SERINC5: variants seen among roughly 807,000 people sequenced by gnomAD.
SERINC5 encodes serine incorporator 5.
Under a neutral mutation model 63.1 loss-of-function variants are expected in SERINC5, and 41 were observed. That is an observed-to-expected ratio of 0.65 (90% CI 0.51 to 0.84). SERINC5 has a LOEUF of 0.84. SERINC5 is among the 40% of genes least tolerant of loss of function. SERINC5 has a pLI of 0.00. For synonymous variants in SERINC5, 222 were observed against 215.2 expected (o/e 1.03, Z -0.28); for missense variants, 523 against 573.0 (o/e 0.91, Z 0.89).
chr5:80,159,169 T>C (rs1297906149), intron 7 of SERINC5, among the ~76,000 whole-genome samples: 2 of 152,162 alleles, frequency 1.3e-5, no homozygotes, highest in Non-Finnish European at 2.9e-5. Flanking sequence ...CATCATCACA[T>C]CCTTGGAACA....
chr5:80,199,417 T>C (rs1749696121), intron 2 of SERINC5, among the ~76,000 whole-genome samples: 1 of 152,204 alleles, frequency 6.6e-6, no homozygotes, highest in African/African-American at 2.4e-5. Context: ...TGACACATGG[T>C]ATCACTCAAT....
chr5:80,224,236 A>G (rs1275224102), intron 1 of SERINC5, among the ~76,000 whole-genome samples: 1 of 152,092 alleles, frequency 6.6e-6, no homozygotes, highest in Non-Finnish European at 1.5e-5. Flanking sequence ...TGAGGCGAGC[A>G]GATGGCTTGA....
Position 80,150,838 on chromosome 5 carries a change from G to T in SERINC5, c.1053+44C>A, listed in dbSNP as rs751294209. 31 of 1,361,886 alleles carry T rather than the reference G, an allele frequency of 2.3e-5. No individual in the cohort carries two copies. The South Asian group carries it at 3.5e-4, about 15-fold the overall frequency. The allele number at this position is 1,361,886 out of a possible 1,614,324, so 84.4% of individuals were successfully genotyped here. Reference sequence around the variant, plus strand: ...ACACAAAAGGCCCTCCTGAGAAATGGATCTTCTGAGATGAAGCAGGACAGG... The same window carrying T: ...ACACAAAAGGCCCTCCTGAGAAATGTATCTTCTGAGATGAAGCAGGACAGG... On this transcript the variant is annotated intron_variant, in intron 9 of 11. Transcript: ENST00000507668.
chr5:80,156,568 C>T (rs1216012166), intron 8 of SERINC5, among the ~76,000 whole-genome samples: 1 of 152,210 alleles, frequency 6.6e-6, no homozygotes, highest in African/African-American at 2.4e-5. Flanking sequence ...CTCATCTCCA[C>T]TTTGTAGGGG....
At chr5:80,237,798 C>CT (rs2112581435) in intron 1 of SERINC5, among the ~76,000 whole-genome samples, 2 of 152,060 alleles carry the variant, frequency 1.3e-5, no homozygotes, top group South Asian at 4.2e-4. Flanking sequence ...TGCTGGAACT[C>CT]TTGCTTCCAA....
At chr5:80,184,582 A>C (rs1295154126) in intron 2 of SERINC5, among the ~76,000 whole-genome samples, 2 of 152,124 alleles carry the variant, frequency 1.3e-5, no homozygotes. Context: ...AATCCTAATC[A>C]AGACCTCCTT....
At chr5:80,126,228 T>C (rs1356157518) in intron 11 of SERINC5, among the ~76,000 whole-genome samples, 2 of 152,144 alleles carry the variant, frequency 1.3e-5, no homozygotes, top group African/African-American at 2.4e-5. Context: ...CAATTTGGAT[T>C]ATAAAAAGCT....
At chr5:80,136,991 G>A (rs1389585152), downstream of SERINC5, among the ~76,000 whole-genome samples, 1 of 151,680 alleles carries the variant, frequency 6.6e-6, no homozygotes, top group Non-Finnish European at 1.5e-5. Flanking sequence ...ACAAAAATTA[G>A]CCAGGCATTG....
intron 9 of SERINC5, among the ~76,000 whole-genome samples, 200 bp from the exon 10 acceptor site, chr5:80,147,484 G>A (rs1019521914): frequency 6.6e-6 from 1 of 152,178 alleles, no homozygotes; most frequent in Non-Finnish European, 1.5e-5. Flanking sequence ...CGTGGACTTG[G>A]TGCTCGCTCC....
At chr5:80,245,965 TAAAAAAAAA>T (rs57108110) in intron 1 of SERINC5, among the ~76,000 whole-genome samples, 7 of 115,986 alleles carry the variant, frequency 6.0e-5, no homozygotes, top group African/African-American at 9.8e-5. Flanking sequence ...GTCAGCTCTT[TAAAAAAAAA>T]AAAAAAAAAA....
intron 11 of SERINC5, among the ~76,000 whole-genome samples, chr5:80,120,148 CAG>C (rs1363913651): frequency 1.3e-5 from 2 of 152,180 alleles, no homozygotes; most frequent in African/African-American, 4.8e-5. Flanking sequence ...TAGATTGAAG[CAG>C]AGACTGCTAC....
At chr5:80,216,212 C>T (rs931681567) in intron 1 of SERINC5, among the ~76,000 whole-genome samples, 4 of 152,110 alleles carry the variant, frequency 2.6e-5, no homozygotes, top group Non-Finnish European at 5.9e-5. Context: ...TCTTTCTTGT[C>T]GGGGGCTGAC....
intron 1 of SERINC5, among the ~76,000 whole-genome samples, chr5:80,226,744 T>C (rs1751183679): frequency 6.6e-6 from 1 of 152,176 alleles, no homozygotes; most frequent in Admixed American, 6.6e-5. Flanking sequence ...TTTTAAATAA[T>C]AGGAAATTGC....
intron 2 of SERINC5, among the ~76,000 whole-genome samples, chr5:80,190,106 C>CT (rs11422784): frequency 0.11 from 10,272 of 93,210 alleles, 889 homozygotes; most frequent in South Asian, 0.17. Flanking sequence ...GTCTCCCGTA[C>CT]TTTTTTTTTT....
intron 1 of SERINC5, among the ~76,000 whole-genome samples, chr5:80,221,596 T>C (rs1051010538): frequency 6.6e-6 from 1 of 152,192 alleles, no homozygotes; most frequent in Non-Finnish European, 1.5e-5. Context: ...GTCTATGTTT[T>C]CAAGGTTTAA....
intron 1 of SERINC5, among the ~76,000 whole-genome samples, chr5:80,224,859 C>T (rs1241484805): frequency 6.6e-6 from 1 of 151,188 alleles, no homozygotes; most frequent in Admixed American, 6.6e-5. Flanking sequence ...CTCCTGACCT[C>T]GTGATCCACC....
intron 1 of SERINC5, among the ~76,000 whole-genome samples, chr5:80,251,917 T>C (rs1284368731): frequency 2.2e-5 from 1 of 44,768 alleles, no homozygotes; most frequent in Non-Finnish European, 5.1e-5. Context: ...AGCATTATTA[T>C]TGTCATAAAT....
At position 80,139,398 on chromosome 5, in the gene SERINC5, C is replaced by T. The variant is rs1745367186; in HGVS notation, c.*4265G>A. The T allele has an allele frequency of 1.0e-6, 1 of 985,044 alleles. No homozygotes were observed. Among genetic ancestry groups the T allele is most frequent in the Non-Finnish European group, 1.2e-6 (1 of 829,726 alleles). 61.0% of individuals were successfully genotyped at this position (985,044 alleles called of 1,614,324 possible). Reference sequence around the variant, plus strand: ...CAAAGGATTACCTTAAAGAGTTCTTCCATCATTTTACTCATGTGAATATGA... The same window carrying T: ...CAAAGGATTACCTTAAAGAGTTCTTTCATCATTTTACTCATGTGAATATGA... On this transcript the variant is annotated 3_prime_UTR_variant, in exon 12 of 12. Coordinates refer to ENST00000507668, the MANE Select transcript of SERINC5 (RefSeq NM_001174072.3).
chr5:80,132,069 C>G (rs1391000007), intron 11 of SERINC5, among the ~76,000 whole-genome samples: 2 of 152,142 alleles, frequency 1.3e-5, no homozygotes, highest in Non-Finnish European at 2.9e-5. Flanking sequence ...TTCAAGCCAG[C>G]CAGTTGAAGC....
Sources: gnomAD v4.1 joint callset for allele counts (sites outside exome capture counted in the v4.1 genomes callset) on GRCh38, gnomAD v4.1.1 for gene constraint, MANE v1.5 for transcripts, NCBI Gene and HGNC (gene_info 2026-07-23, HGNC 2026-07-21) for gene names.